The following NEGR1 variants were observed in gnomAD, a reference collection of about 807,000 sequenced individuals.
NEGR1 encodes the protein IgLON family member 4.
Under a neutral mutation model 40.9 loss-of-function variants are expected in NEGR1, and 10 were observed. The ratio of observed to expected loss-of-function variants is 0.24; its 90% CI spans 0.15 to 0.42. The LOEUF is 0.42. NEGR1 is among the 10% of genes least tolerant of loss of function. The pLI, the probability that NEGR1 is intolerant of heterozygous loss-of-function variation, is 1.00. For synonymous variants in NEGR1, 185 were observed against 166.8 expected (o/e 1.11, Z -0.84); for missense variants, 352 against 438.9 (o/e 0.80, Z 1.77).
At chr1:71,538,355 T>C (rs1451678736) in intron 6 of NEGR1, among the ~76,000 whole-genome samples, 1 of 151,758 alleles carries the variant, frequency 6.6e-6, no homozygotes, top group South Asian at 2.1e-4. Flanking sequence ...TCTAGGTTGT[T>C]ATTTTATCTT....
intron 1 of NEGR1, among the ~76,000 whole-genome samples, chr1:72,071,083 A>G (rs977147638): frequency 2.6e-5 from 4 of 152,072 alleles, no homozygotes; most frequent in Non-Finnish European, 4.4e-5. Context: ...AGAAGATTCA[A>G]TTCTCAAAGT....
At chr1:72,199,146 CAGACAGAG>C (rs1235310167) in intron 1 of NEGR1, among the ~76,000 whole-genome samples, 3,268 of 139,124 alleles carry the variant, frequency 0.023, 124 homozygotes, top group African/African-American at 0.086. Flanking sequence ...TCTAGATAGA[CAGACAGAG>C]AGAGAGAGAG....
chr1:71,513,323 C>T (rs1647090206), intron 6 of NEGR1, among the ~76,000 whole-genome samples: 1 of 152,156 alleles, frequency 6.6e-6, no homozygotes, highest in South Asian at 2.1e-4. Flanking sequence ...AGGAAAAGCA[C>T]ACAGGGTGGT....
chr1:72,131,753 T>C (rs1650259563), intron 1 of NEGR1, among the ~76,000 whole-genome samples: 1 of 152,228 alleles, frequency 6.6e-6, no homozygotes, highest in Non-Finnish European at 1.5e-5. Flanking sequence ...AGGTTATGTC[T>C]ACATTAGTGA....
intron 3 of NEGR1, among the ~76,000 whole-genome samples, chr1:71,719,103 C>T (rs1654370096): frequency 6.6e-6 from 1 of 152,068 alleles, no homozygotes; most frequent in Admixed American, 6.6e-5. Context: ...AAGAGTTCTA[C>T]AGCACTTTAT....
chr1:71,725,982 C>T (rs1482750751), intron 3 of NEGR1, among the ~76,000 whole-genome samples: 1 of 152,108 alleles, frequency 6.6e-6, no homozygotes, highest in Admixed American at 6.6e-5. Context: ...ATGCCATCCT[C>T]AACAAGTGGA....
chr1:71,532,431 G>T (rs1289532425), intron 6 of NEGR1, among the ~76,000 whole-genome samples: 2 of 151,450 alleles, frequency 1.3e-5, no homozygotes, highest in African/African-American at 4.8e-5. Context: ...AGAAGTATAG[G>T]TTTTCCCCTA....
chr1:71,690,512 G>A (rs1473965074), intron 4 of NEGR1, among the ~76,000 whole-genome samples: 1 of 149,554 alleles, frequency 6.7e-6, no homozygotes, highest in Non-Finnish European at 1.5e-5. Context: ...CTGCTTATTA[G>A]AACATGAATC....
intron 6 of NEGR1, among the ~76,000 whole-genome samples, chr1:71,479,953 T>A (rs897539447): frequency 6.6e-6 from 1 of 151,932 alleles, no homozygotes; most frequent in African/African-American, 2.4e-5. Context: ...TTCTTTTATG[T>A]GATTCATATA....
At chr1:71,473,188 G>A (rs185832031) in intron 6 of NEGR1, among the ~76,000 whole-genome samples, 1 of 152,006 alleles carries the variant, frequency 6.6e-6, no homozygotes, top group Non-Finnish European at 1.5e-5. Context: ...AAGATTGAAA[G>A]TGCACATTCA....
chr1:71,841,757 C>A (rs1659247250), intron 2 of NEGR1, among the ~76,000 whole-genome samples: 1 of 152,082 alleles, frequency 6.6e-6, no homozygotes, highest in Non-Finnish European at 1.5e-5. Flanking sequence ...ACAATTCTTG[C>A]TTTTAGTCTC....
At chr1:71,952,208 G>A (rs190184752) in intron 1 of NEGR1, among the ~76,000 whole-genome samples, 3 of 152,088 alleles carry the variant, frequency 2.0e-5, no homozygotes, top group East Asian at 1.9e-4. Flanking sequence ...CAGGTTAAAA[G>A]TTAGGTTTCT....
intron 2 of NEGR1, among the ~76,000 whole-genome samples, chr1:71,801,106 C>T (rs573333940): frequency 9.9e-5 from 15 of 152,266 alleles, no homozygotes; most frequent in Non-Finnish European, 1.8e-4. Context: ...TATTACTCAA[C>T]GTTTAGAATA....
At chr1:71,910,367 A>G (rs1300331075) in intron 2 of NEGR1, among the ~76,000 whole-genome samples, 2 of 152,218 alleles carry the variant, frequency 1.3e-5, no homozygotes, top group African/African-American at 2.4e-5. Flanking sequence ...CAGGTAACGA[A>G]ATACCTGGAT....
chr1:72,274,774 G>C, intron 1 of NEGR1: 1 of 1,357,770 alleles, frequency 7.4e-7, no homozygotes, highest in Middle Eastern at 1.8e-4. Flanking sequence ...GTTCATCTGT[G>C]ACCCCAGCTG....
chr1:72,056,382 C>T (rs527309274), intron 1 of NEGR1, among the ~76,000 whole-genome samples: 14 of 151,232 alleles, frequency 9.3e-5, no homozygotes, highest in East Asian at 2.0e-4. Flanking sequence ...TGCTAATGAT[C>T]GCATAGAGAA....
chr1:71,738,942 C>T (rs1344779618), intron 3 of NEGR1, among the ~76,000 whole-genome samples: 1 of 151,594 alleles, frequency 6.6e-6, no homozygotes, highest in Non-Finnish European at 1.5e-5. Context: ...TTTAAATTAC[C>T]AAATGTTTAT....
intron 1 of NEGR1, among the ~76,000 whole-genome samples, chr1:72,110,962 A>G (rs986128905): frequency 2.0e-5 from 3 of 151,652 alleles, no homozygotes; most frequent in African/African-American, 7.3e-5. Flanking sequence ...AGAATGTATG[A>G]AATAGTTATT....
intron 1 of NEGR1, among the ~76,000 whole-genome samples, chr1:72,054,405 A>C (rs1482999733): frequency 6.6e-6 from 1 of 151,318 alleles, no homozygotes; most frequent in African/African-American, 2.4e-5. Context: ...GTTAGACTGT[A>C]GATTCTTTGG....
Sources: allele counts gnomAD v4.1 joint callset (sites outside exome capture counted in the v4.1 genomes callset), GRCh38; gene constraint gnomAD v4.1.1; transcripts MANE v1.5; gene names NCBI Gene and HGNC (gene_info 2026-07-23, HGNC 2026-07-21).